The following SH3GL2 variants were observed in gnomAD, a reference collection of about 807,000 sequenced individuals.
SH3GL2 encodes the protein endophilin-A1.
In SH3GL2, 24 loss-of-function variants were observed where a neutral mutation model predicts 46.0. The observed-to-expected ratio is 0.52, with a 90% CI of 0.38 to 0.73. The LOEUF (loss-of-function observed/expected upper bound fraction) is 0.73. Ranked by LOEUF, SH3GL2 falls within the 30% of genes least tolerant of loss-of-function variation. The pLI, the probability that SH3GL2 is intolerant of heterozygous loss-of-function variation, is 0.00. For missense variants in SH3GL2, 413 were observed against 424.2 expected (o/e 0.97, Z 0.23); for synonymous variants, 196 against 147.1 (o/e 1.33, Z -2.40).
intron 3 of SH3GL2, among the ~76,000 whole-genome samples, chr9:17,780,545 A>G (rs1362577090): frequency 2.1e-5 from 3 of 141,846 alleles, no homozygotes; most frequent in African/African-American, 7.9e-5. Context: ...TTAGTTACAT[A>G]TGTATACATG....
intron 1 of SH3GL2, among the ~76,000 whole-genome samples, chr9:17,602,934 TTTAC>T (rs1446849544): frequency 1.3e-5 from 2 of 152,228 alleles, no homozygotes; most frequent in Non-Finnish European, 2.9e-5. Flanking sequence ...ATTGTGGTAC[TTTAC>T]TTGAGATTAA....
At chr9:17,704,581 GAC>G (rs550369619) in intron 1 of SH3GL2, among the ~76,000 whole-genome samples, 281 of 152,154 alleles carry the variant, frequency 1.8e-3, no homozygotes, top group African/African-American at 5.8e-3. Context: ...GTAGAAAACA[GAC>G]ACACATACCA....
chr9:17,726,822 G>C (rs915883958), intron 1 of SH3GL2, among the ~76,000 whole-genome samples: 8 of 152,142 alleles, frequency 5.3e-5, no homozygotes, highest in African/African-American at 1.9e-4. Flanking sequence ...GGAAGATGTG[G>C]AGAAACAGAA....
At chr9:17,729,686 C>A (rs559948210) in intron 1 of SH3GL2, among the ~76,000 whole-genome samples, 1 of 152,278 alleles carries the variant, frequency 6.6e-6, no homozygotes, top group East Asian at 1.9e-4. Flanking sequence ...TATGGGTAGC[C>A]AGTTTTCCCA....
intron 1 of SH3GL2, among the ~76,000 whole-genome samples, chr9:17,594,187 T>G (rs956624973): frequency 6.6e-6 from 1 of 152,192 alleles, no homozygotes; most frequent in East Asian, 1.9e-4. Context: ...ATCTGTGTCC[T>G]GCTCAGTGAT....
intron 1 of SH3GL2, among the ~76,000 whole-genome samples, chr9:17,629,114 T>C (rs1282708502): frequency 6.6e-6 from 1 of 152,064 alleles, no homozygotes; most frequent in Non-Finnish European, 1.5e-5. Flanking sequence ...GCGTGGAGTT[T>C]GGTTGGCTGG....
intron 5 of SH3GL2, among the ~76,000 whole-genome samples, chr9:17,787,786 A>T (rs1450816921): frequency 6.6e-6 from 1 of 152,052 alleles, no homozygotes; most frequent in African/African-American, 2.4e-5. Flanking sequence ...TCTCCAGAGG[A>T]TAATATACTT....
chr9:17,611,207 T>C (rs1319082361), intron 1 of SH3GL2, among the ~76,000 whole-genome samples: 1 of 152,224 alleles, frequency 6.6e-6, no homozygotes, highest in Non-Finnish European at 1.5e-5. Context: ...ACAATTATTT[T>C]ACTATAGGGA....
chr9:17,779,820 T>C (rs959120445), intron 3 of SH3GL2, among the ~76,000 whole-genome samples: 2 of 152,306 alleles, frequency 1.3e-5, no homozygotes, highest in East Asian at 3.9e-4. Flanking sequence ...CTTGGTTGTC[T>C]GCTATACAAC....
chr9:17,755,892 T>G (rs1822975353), intron 2 of SH3GL2: 1 of 357,076 alleles, frequency 2.8e-6, no homozygotes, highest in African/African-American at 2.2e-5. Flanking sequence ...ATGCCTTCTA[T>G]TCTTTAGTAT....
chr9:17,614,295 G>GGAAAAAAAAAAAAAAAAAAAAAAAAAA lies in SH3GL2; in HGVS notation c.45+35008_45+35009insGAAAAAAAAAAAAAAAAAAAAAAAAAA, dbSNP rs762920242. On this transcript the variant is annotated intron_variant, in intron 1 of 8. Transcript: ENST00000380607. ...GTGACAGGGAACATGCATGGTTTCTGAAAAAAAAAAAAAAAAAAAAAAAAA... is the reference window on the plus strand; with the variant it reads ...GTGACAGGGAACATGCATGGTTTCTGGAAAAAAAAAAAAAAAAAAAAAAAAAAAAAAAAAAAAAAAAAAAAAAAAAAA... Among the ~76,000 whole-genome samples the GGAAAAAAAAAAAAAAAAAAAAAAAAAA allele has an allele frequency of 1.6e-4, 11 of 70,300 alleles. 1 individual carries two copies. The highest frequency in any genetic ancestry group is 6.3e-4 in the African/African-American group (11 of 17,370). The allele number at this position is 70,300 out of a possible 152,430, so 46.1% of individuals were successfully genotyped here.
chr9:17,688,267 C>G (rs1198072651), intron 1 of SH3GL2, among the ~76,000 whole-genome samples: 1 of 151,964 alleles, frequency 6.6e-6, no homozygotes. Context: ...TTTTCAACCA[C>G]TGGAATTGCC....
chr9:17,711,921 A>C (rs1430569172), intron 1 of SH3GL2, among the ~76,000 whole-genome samples: 2 of 151,864 alleles, frequency 1.3e-5, no homozygotes, highest in African/African-American at 2.4e-5. Flanking sequence ...TCTATTTTAC[A>C]AGCCAGCAAC....
intron 1 of SH3GL2, among the ~76,000 whole-genome samples, chr9:17,688,084 C>A (rs1687317441): frequency 6.6e-6 from 1 of 152,052 alleles, no homozygotes; most frequent in South Asian, 2.1e-4. Context: ...TTCATCTTTT[C>A]CAGTCTCTGT....
At chr9:17,631,321 C>T (rs1819416473) in intron 1 of SH3GL2, among the ~76,000 whole-genome samples, 1 of 152,132 alleles carries the variant, frequency 6.6e-6, no homozygotes, top group African/African-American at 2.4e-5. Context: ...GCTTTCATAG[C>T]ATGTAGTTAA....
At chr9:17,744,518 A>G (rs1410808887) in intron 1 of SH3GL2, among the ~76,000 whole-genome samples, 1 of 151,960 alleles carries the variant, frequency 6.6e-6, no homozygotes, top group Non-Finnish European at 1.5e-5. Flanking sequence ...GGTGCACACT[A>G]CCATGTTCAA....
At chr9:17,790,374 A>T (rs1225437289) in intron 6 of SH3GL2, 1 of 951,880 alleles carries the variant, frequency 1.1e-6, no homozygotes, top group Non-Finnish European at 1.3e-6. Flanking sequence ...GTCACCTAAA[A>T]TTAACCATCA....
intron 1 of SH3GL2, among the ~76,000 whole-genome samples, chr9:17,641,760 G>A (rs1028063431): frequency 5.3e-5 from 8 of 152,152 alleles, no homozygotes; most frequent in Middle Eastern, 3.2e-3. Flanking sequence ...TCCCTGCAAA[G>A]GATATGAACT....
chr9:17,702,534 C>T (rs1821364740), intron 1 of SH3GL2, among the ~76,000 whole-genome samples: 1 of 152,018 alleles, frequency 6.6e-6, no homozygotes, highest in African/African-American at 2.4e-5. Flanking sequence ...TTGTTTCCAT[C>T]TCCCAATTTC....
Sources: gnomAD v4.1 joint callset for allele counts (sites outside exome capture counted in the v4.1 genomes callset) on GRCh38, gnomAD v4.1.1 for gene constraint, MANE v1.5 for transcripts, NCBI Gene and HGNC (gene_info 2026-07-23, HGNC 2026-07-21) for gene names.